SPOCK3: variants seen among roughly 807,000 people sequenced by gnomAD.
SPOCK3 encodes the protein SPARC (osteonectin), cwcv and kazal like domains proteoglycan 3, also known as testican-3.
A neutral mutation model predicts 56.6 loss-of-function variants in SPOCK3; 30 were observed. The ratio of observed to expected loss-of-function variants is 0.53; its 90% CI spans 0.40 to 0.72. The LOEUF (loss-of-function observed/expected upper bound fraction) is 0.72, where lower values mean the gene tolerates loss of function less well. Among genes scored for constraint, SPOCK3 ranks in the 30% least tolerant of loss-of-function variants. The probability of loss-of-function intolerance (pLI) is 0.00; values close to 1 mark genes in which losing one functional copy is unlikely to be tolerated. For synonymous variants in SPOCK3, 196 were observed against 183.3 expected (o/e 1.07, Z -0.56); for missense variants, 527 against 530.0 (o/e 0.99, Z 0.06).
chr4:166,811,969 C>T (rs1225663585), intron 6 of SPOCK3, among the ~76,000 whole-genome samples: 1 of 151,730 alleles, frequency 6.6e-6, no homozygotes, highest in African/African-American at 2.4e-5. Context: ...GATAGTAAGC[C>T]ATAGTCAACT....
At chr4:166,887,562 T>G (rs562710418) in intron 6 of SPOCK3, among the ~76,000 whole-genome samples, 22 of 152,246 alleles carry the variant, frequency 1.4e-4, no homozygotes, top group African/African-American at 5.3e-4. Context: ...AGTAGCTTTT[T>G]GATTATCTGG....
chr4:166,855,923 C>A (rs1730599601), intron 6 of SPOCK3, among the ~76,000 whole-genome samples: 1 of 152,136 alleles, frequency 6.6e-6, no homozygotes, highest in African/African-American at 2.4e-5. Flanking sequence ...GAAGACAAAT[C>A]ATCTTTTCTC....
chr4:166,936,471 C>T (rs34541936), intron 4 of SPOCK3, among the ~76,000 whole-genome samples: 3,854 of 152,014 alleles, frequency 0.025, 77 homozygotes, highest in Middle Eastern at 0.065. Flanking sequence ...GAAGTTTGTA[C>T]ATTTAACCAA....
At chr4:166,776,092 G>C (rs2126594157) in intron 7 of SPOCK3, among the ~76,000 whole-genome samples, 1 of 152,138 alleles carries the variant, frequency 6.6e-6, no homozygotes, top group South Asian at 2.1e-4. Context: ...TTGACAGAGG[G>C]ACAGAAGGAG....
Position 167,065,709 on chromosome 4 carries a change from C to G in SPOCK3, c.190-3172G>C, listed in dbSNP as rs146168966. Reference sequence around the variant, plus strand: ...ACAAAAAAACAAAAAAATAGTTTCACCTCATTAAATCTTAGGAATTTTGCC... The same window carrying G: ...ACAAAAAAACAAAAAAATAGTTTCAGCTCATTAAATCTTAGGAATTTTGCC... On this transcript the variant is annotated intron_variant, in intron 2 of 10. Coordinates refer to ENST00000357545, the MANE Select transcript of SPOCK3 (RefSeq NM_001040159.2). 3.6e-3 allele frequency among the ~76,000 whole-genome samples: 542 copies of G among 151,922 alleles called. 15 individuals carry two copies. The highest frequency in any genetic ancestry group is 0.028 in the Admixed American group (423 of 15,190).
chr4:166,900,426 G>T (rs1489458810), intron 5 of SPOCK3, among the ~76,000 whole-genome samples: 1 of 152,122 alleles, frequency 6.6e-6, no homozygotes, highest in East Asian at 1.9e-4. Context: ...TCTTAGTAAG[G>T]CAATTTGGTC....
chr4:167,163,356 T>C (rs1765491057), intron 2 of SPOCK3, among the ~76,000 whole-genome samples: 1 of 152,022 alleles, frequency 6.6e-6, no homozygotes, highest in African/African-American at 2.4e-5. Context: ...ATGCTATATT[T>C]TGACTTAGGC....
intron 2 of SPOCK3, among the ~76,000 whole-genome samples, chr4:167,199,531 TTA>T (rs1190138633): frequency 3.9e-5 from 6 of 151,900 alleles, no homozygotes; most frequent in Non-Finnish European, 8.8e-5. Context: ...ATGTGATTGG[TTA>T]TGACAGCTGC....
rs78284396 is a variant in SPOCK3, at chr4:167,084,189, A to G, written c.190-21652T>C. On this transcript the variant is annotated intron_variant, in intron 2 of 10. Transcript: ENST00000357545. ...TATATATTAAAAGTTATTAAAAGATATAGGCCATATCATGAGAAAATGTGA... is the reference window on the plus strand; with the variant it reads ...TATATATTAAAAGTTATTAAAAGATGTAGGCCATATCATGAGAAAATGTGA... 1.3e-3 allele frequency among the ~76,000 whole-genome samples: 197 copies of G among 152,250 alleles called. 5 individuals are homozygous for G. In the East Asian group the frequency reaches 0.029, roughly 23 times the overall value.
intron 3 of SPOCK3, among the ~76,000 whole-genome samples, chr4:167,037,070 T>C (rs1461847444): frequency 6.6e-6 from 1 of 151,788 alleles, no homozygotes. Context: ...GATTGTAGAG[T>C]TGAGAATTTG....
chr4:167,120,755 C>T (rs979350774), intron 2 of SPOCK3, among the ~76,000 whole-genome samples: 5 of 151,242 alleles, frequency 3.3e-5, no homozygotes, highest in African/African-American at 1.2e-4. Flanking sequence ...AACAGAAGTG[C>T]ATTTTTAAAA....
Position 166,761,895 on chromosome 4 carries a change from T to TAAAA in SPOCK3, c.710-7170_710-7167dup, listed in dbSNP as rs748340803. ...ATGTACCCTAAAACTTAGAGTATAA[T>TAAAA]AAAAAAAAAAAAAAAAAAAAAAAAA... On this transcript the variant is annotated intron_variant, in intron 7 of 10. Transcript: ENST00000357545. Among the ~76,000 whole-genome samples the TAAAA allele has an allele frequency of 2.9e-5, 3 of 103,430 alleles. 1 individual carries two copies. Among genetic ancestry groups the TAAAA allele is most frequent in the African/African-American group, 1.1e-4 (3 of 27,926 alleles). 67.9% of individuals were successfully genotyped at this position (103,430 alleles called of 152,430 possible).
chr4:167,211,258 T>G (rs534584577), intron 2 of SPOCK3, among the ~76,000 whole-genome samples: 2 of 152,282 alleles, frequency 1.3e-5, no homozygotes, highest in South Asian at 4.1e-4. Flanking sequence ...CCCTGTTGTA[T>G]CTAGGAAGTA....
intron 2 of SPOCK3, among the ~76,000 whole-genome samples, chr4:167,083,461 G>T (rs1341374663): frequency 6.6e-6 from 1 of 152,128 alleles, no homozygotes; most frequent in African/African-American, 2.4e-5. Flanking sequence ...CTACAATATA[G>T]CTGAGTGTAC....
chr4:167,175,738 G>A (rs752531430), intron 2 of SPOCK3, among the ~76,000 whole-genome samples: 4 of 152,032 alleles, frequency 2.6e-5, no homozygotes, highest in Non-Finnish European at 4.4e-5. Context: ...GGAAATACCA[G>A]CCCTGTTCAC....
At chr4:166,864,679 T>A (rs933224932) in intron 6 of SPOCK3, among the ~76,000 whole-genome samples, 2 of 152,086 alleles carry the variant, frequency 1.3e-5, no homozygotes, top group African/African-American at 4.8e-5. Flanking sequence ...CGAGAAAATC[T>A]AGAAGAAATG....
chr4:167,154,066 TTC>T (rs1764619259), intron 2 of SPOCK3, among the ~76,000 whole-genome samples: 1 of 152,180 alleles, frequency 6.6e-6, no homozygotes, highest in Non-Finnish European at 1.5e-5. Context: ...TATTTAGTTT[TTC>T]TGTTATATTT....
chr4:166,806,497 CATATA>C (rs1743179696), intron 6 of SPOCK3, among the ~76,000 whole-genome samples: 1 of 152,050 alleles, frequency 6.6e-6, no homozygotes, highest in Admixed American at 6.6e-5. Context: ...GTTATGGCAA[CATATA>C]ATATAGGTAT....
intron 2 of SPOCK3, among the ~76,000 whole-genome samples, chr4:167,167,764 A>C (rs1200024210): frequency 6.6e-6 from 1 of 152,116 alleles, no homozygotes; most frequent in Non-Finnish European, 1.5e-5. Flanking sequence ...TATATGTATT[A>C]ATAAATATGT....
Sources: gnomAD v4.1 joint callset for allele counts (sites outside exome capture counted in the v4.1 genomes callset) on GRCh38, gnomAD v4.1.1 for gene constraint, MANE v1.5 for transcripts, NCBI Gene and HGNC (gene_info 2026-07-23, HGNC 2026-07-21) for gene names.